The following MAGI2 variants were observed in gnomAD, a reference collection of about 807,000 sequenced individuals.
MAGI2 encodes membrane-associated guanylate kinase, WW and PDZ domain-containing protein 2.
Under a neutral mutation model 133.3 loss-of-function variants are expected in MAGI2, and 35 were observed. The ratio of observed to expected loss-of-function variants is 0.26; its 90% CI spans 0.20 to 0.35. MAGI2 has a LOEUF of 0.35. Among genes scored for constraint, MAGI2 ranks in the 10% least tolerant of loss-of-function variants. The pLI is 1.00. For synonymous variants in MAGI2, 729 were observed against 710.6 expected, an observed-to-expected ratio of 1.03 and a Z score of -0.41; for missense variants, 1,636 against 1,863.4, an observed-to-expected ratio of 0.88 and a Z score of 2.25.
chr7:78,300,078 T>C (rs1348365453), intron 9 of MAGI2, among the ~76,000 whole-genome samples: 2 of 152,160 alleles, frequency 1.3e-5, no homozygotes, highest in Admixed American at 6.6e-5. Flanking sequence ...CTGACAACAG[T>C]AGTATAAGCA....
intron 1 of MAGI2, among the ~76,000 whole-genome samples, chr7:79,281,052 G>A (rs2129557967): frequency 6.6e-6 from 1 of 150,622 alleles, no homozygotes; most frequent in South Asian, 2.1e-4. Context: ...TGTCTAGAGA[G>A]TCACTTGGGA....
intron 9 of MAGI2, among the ~76,000 whole-genome samples, chr7:78,341,572 C>A (rs1377787217): frequency 3.9e-5 from 6 of 152,128 alleles, no homozygotes; most frequent in Non-Finnish European, 8.8e-5. Flanking sequence ...TATAAGGCTA[C>A]AGTAACCAAA....
rs1458382687 is a variant in MAGI2 at position 79,427,379 on chromosome 7, A to T, written c.301+25641T>A. Among the ~76,000 whole-genome samples, 5 of 152,268 alleles carry T rather than the reference A, an allele frequency of 3.3e-5. No individual in the cohort carries two copies. In the East Asian group the frequency reaches 7.7e-4, roughly 23 times the overall value. ...GTATCTCAGAACTTAAAGTAAAATT[A>T]AAAAATTAATTAAATTATTTTTTAA... On this transcript the variant is annotated intron_variant, in intron 1 of 21. Coordinates refer to ENST00000354212, the MANE Select transcript of MAGI2 (RefSeq NM_012301.4).
At chr7:78,474,509 G>C (rs1791546443) in intron 6 of MAGI2, among the ~76,000 whole-genome samples, 1 of 151,988 alleles carries the variant, frequency 6.6e-6, no homozygotes, top group African/African-American at 2.4e-5. Context: ...GGATTGCCAA[G>C]CCCTATAGGT....
At chr7:78,728,364 T>C (rs1352577292) in intron 2 of MAGI2, among the ~76,000 whole-genome samples, 1 of 152,144 alleles carries the variant, frequency 6.6e-6, no homozygotes, top group Non-Finnish European at 1.5e-5. Flanking sequence ...TCATATGCTA[T>C]ACCCGCATGA....
intron 1 of MAGI2, among the ~76,000 whole-genome samples, chr7:79,194,301 T>G (rs988934230): frequency 6.6e-6 from 1 of 152,012 alleles, no homozygotes; most frequent in Non-Finnish European, 1.5e-5. Context: ...TTCCTTTTGT[T>G]TTGTTTTAAA....
chr7:78,099,911 T>C (rs1010896427), intron 20 of MAGI2, among the ~76,000 whole-genome samples: 1 of 152,202 alleles, frequency 6.6e-6, no homozygotes, highest in Non-Finnish European at 1.5e-5. Flanking sequence ...GGAGTGGGAA[T>C]TCCCACAAAG....
At chr7:78,155,486 TG>T (rs1289068083) in intron 16 of MAGI2, among the ~76,000 whole-genome samples, 2 of 152,038 alleles carry the variant, frequency 1.3e-5, no homozygotes, top group East Asian at 1.9e-4. Context: ...TGGTGGTGCA[TG>T]GTGGTCTAAG....
intron 4 of MAGI2, among the ~76,000 whole-genome samples, chr7:78,516,699 G>C (rs1796073258): frequency 6.6e-6 from 1 of 152,100 alleles, no homozygotes; most frequent in Non-Finnish European, 1.5e-5. Context: ...TGGAATAAAA[G>C]GTAATTGGAT....
rs551338525 is a variant in MAGI2 at position 79,371,286 on chromosome 7, AT to A, written c.301+81733del. Among the ~76,000 whole-genome samples the A allele has an allele frequency of 3.1e-4, 47 of 152,240 alleles. No individual in the cohort carries two copies. The South Asian group carries it at 8.3e-3, about 27-fold the overall frequency. ...TAGAAAAGTACATTTAAGTTAGTAA[AT>A]GTTTAAAAATATTTGCAACAATAAA... On this transcript the variant is annotated intron_variant, in intron 1 of 21. Transcript: ENST00000354212.
chr7:79,024,040 A>C (rs1809608940), intron 1 of MAGI2, among the ~76,000 whole-genome samples: 1 of 152,160 alleles, frequency 6.6e-6, no homozygotes, highest in Non-Finnish European at 1.5e-5. Context: ...AATTGTAAGC[A>C]AAAGAACAAA....
At chr7:78,848,330 T>C (rs927753673) in intron 2 of MAGI2, among the ~76,000 whole-genome samples, 2 of 151,952 alleles carry the variant, frequency 1.3e-5, no homozygotes, top group Non-Finnish European at 1.5e-5. Flanking sequence ...CAATACATCA[T>C]CTGCCCAGGG....
intron 1 of MAGI2, among the ~76,000 whole-genome samples, chr7:79,277,269 G>A (rs900605520): frequency 2.4e-4 from 37 of 152,104 alleles, no homozygotes; most frequent in African/African-American, 8.5e-4. Flanking sequence ...ATTATGACTT[G>A]CTGAAGGCTT....
chr7:79,169,009 C>T (rs940404034), intron 1 of MAGI2, among the ~76,000 whole-genome samples: 7 of 150,808 alleles, frequency 4.6e-5, no homozygotes, highest in South Asian at 4.2e-4. Flanking sequence ...GTGGTATTAG[C>T]GGCCATTGTT....
At chr7:78,277,627 T>G (rs1156304137) in intron 9 of MAGI2, among the ~76,000 whole-genome samples, 2 of 152,046 alleles carry the variant, frequency 1.3e-5, no homozygotes, top group African/African-American at 4.8e-5. Context: ...AGAAGAGTCA[T>G]TAGTGTAGGG....
chr7:79,218,995 T>C (rs1293850032), intron 1 of MAGI2, among the ~76,000 whole-genome samples: 2 of 152,068 alleles, frequency 1.3e-5, no homozygotes, highest in Admixed American at 1.3e-4. Context: ...GAATTTTAAG[T>C]AAAGAACCCT....
In MAGI2 at chr7:78,728,808, G is replaced by A. The variant is rs1298235727; in HGVS notation, c.419-101569C>T. Among the ~76,000 whole-genome samples the A allele has an allele frequency of 1.1e-4, 14 of 124,528 alleles. 1 individual carries two copies. In the South Asian group the frequency reaches 2.8e-3, roughly 25 times the overall value. 81.7% of individuals were successfully genotyped at this position (124,528 alleles called of 152,430 possible). On this transcript the variant is annotated intron_variant, in intron 2 of 21. Transcript: ENST00000354212. ...TCTCGATCTCCTGACCTCGTGATCC[G>A]CCCGCCTCGGCCTCCCAAAGTGCTG...
chr7:78,613,895 G>C (rs1806760844), intron 3 of MAGI2, among the ~76,000 whole-genome samples: 1 of 151,890 alleles, frequency 6.6e-6, no homozygotes, highest in African/African-American at 2.4e-5. Context: ...GATTACTTGA[G>C]GTCAGGAGTT....
chr7:79,175,859 C>T (rs1480474581), intron 1 of MAGI2, among the ~76,000 whole-genome samples: 1 of 152,012 alleles, frequency 6.6e-6, no homozygotes, highest in Non-Finnish European at 1.5e-5. Context: ...GAAACATCAT[C>T]ATGCAGCACA....
Sources: gnomAD v4.1 joint callset for allele counts (sites outside exome capture counted in the v4.1 genomes callset) on GRCh38, gnomAD v4.1.1 for gene constraint, MANE v1.5 for transcripts, NCBI Gene and HGNC (gene_info 2026-07-23, HGNC 2026-07-21) for gene names.